Variants in ANO3 observed in about 807,000 individuals in gnomAD.
The protein encoded by ANO3 is anoctamin-3.
ANO3 carries 99 observed loss-of-function variants against 144.8 expected under a neutral mutation model. The observed-to-expected ratio is 0.68, with a 90% CI of 0.58 to 0.81. The LOEUF is 0.81. ANO3 is among the 30% of genes least tolerant of loss of function. The probability of loss-of-function intolerance (pLI) is 0.00; values close to 1 mark genes in which losing one functional copy is unlikely to be tolerated. For synonymous variants in ANO3, 414 were observed against 392.6 expected, an observed-to-expected ratio of 1.05 and a Z score of -0.64; for missense variants, 905 against 1,202.2, an observed-to-expected ratio of 0.75 and a Z score of 3.66.
chr11:26,543,163 G>T (rs1035876035), intron 11 of ANO3, among the ~76,000 whole-genome samples: 6 of 152,040 alleles, frequency 3.9e-5, no homozygotes, highest in Admixed American at 3.9e-4. Flanking sequence ...CCATAAAAAG[G>T]ATGGGTCATC....
chr11:26,285,258 AT>A (rs1853778909), intron 1 of ANO3, among the ~76,000 whole-genome samples: 1 of 152,166 alleles, frequency 6.6e-6, no homozygotes, highest in Non-Finnish European at 1.5e-5. Context: ...ATATAGGAAG[AT>A]AAAGAAACTC....
At chr11:26,614,222 A>T (rs970531823) in intron 17 of ANO3, among the ~76,000 whole-genome samples, 1 of 152,164 alleles carries the variant, frequency 6.6e-6, no homozygotes, top group African/African-American at 2.4e-5. Flanking sequence ...AGGTATAAGC[A>T]CTCACAGGGT....
chr11:26,408,987 A>C (rs10834975), intron 1 of ANO3, among the ~76,000 whole-genome samples: 94,968 of 149,138 alleles, frequency 0.64, 32,836 homozygotes, highest in Admixed American at 0.78. Context: ...GGGTGGGGGG[A>C]GTGGGGAGGG....
intron 1 of ANO3, among the ~76,000 whole-genome samples, chr11:26,383,688 C>T (rs1455527954): frequency 7.9e-5 from 12 of 151,914 alleles, no homozygotes; most frequent in African/African-American, 1.2e-4. Flanking sequence ...GCCTGAACTG[C>T]GAGGGGTAAA....
intron 1 of ANO3, among the ~76,000 whole-genome samples, chr11:26,312,594 AGTG>A (rs1260782251): frequency 6.6e-6 from 1 of 152,222 alleles, no homozygotes; most frequent in Non-Finnish European, 1.5e-5. Flanking sequence ...TCTGATGGTC[AGTG>A]ATGATGAGAA....
At chr11:26,573,252 AAT>A (rs1188760328) in intron 14 of ANO3, among the ~76,000 whole-genome samples, 2 of 152,196 alleles carry the variant, frequency 1.3e-5, no homozygotes, top group East Asian at 3.9e-4. Context: ...AGAACAAGGT[AAT>A]TCTATAGTTT....
chr11:26,536,791 A>G (rs984993424), intron 9 of ANO3, among the ~76,000 whole-genome samples: 1 of 152,154 alleles, frequency 6.6e-6, no homozygotes, highest in Non-Finnish European at 1.5e-5. Flanking sequence ...AGTTTTGGAT[A>G]TGTAATTATT....
chr11:26,350,086 A>AGGAGACAG (rs1855602841), intron 1 of ANO3, among the ~76,000 whole-genome samples: 2 of 151,958 alleles, frequency 1.3e-5, no homozygotes, highest in African/African-American at 4.8e-5. Context: ...CGGAAGGGGG[A>AGGAGACAG]GAAGAAAGAA....
At chr11:26,242,398 C>T (rs1852682009) in intron 1 of ANO3, among the ~76,000 whole-genome samples, 1 of 152,152 alleles carries the variant, frequency 6.6e-6, no homozygotes, top group Non-Finnish European at 1.5e-5. Context: ...ACCACTTAAT[C>T]TCCAAGGCCA....
rs201514760 is a variant in ANO3 at position 26,341,120 on chromosome 11, CTTTCTTTCT to C, written c.46+8810_46+8818del. ...TTCTCTTCCCCTTTCCTTCCTCTCT[CTTTCTTTCT>C]TTTCTTTCTTCTTTCTTTTTGCTAT... On this transcript the variant is annotated intron_variant, in intron 1 of 26. Coordinates refer to ENST00000256737, the MANE Select transcript of ANO3 (RefSeq NM_031418.4). Among the ~76,000 whole-genome samples, 898 of 151,160 alleles carry C rather than the reference CTTTCTTTCT, an allele frequency of 5.9e-3. 6 individuals carry two copies. The highest frequency in any genetic ancestry group is 0.021 in the African/African-American group (847 of 41,224).
chr11:26,586,626 C>G (rs547964666), intron 14 of ANO3, among the ~76,000 whole-genome samples: 6 of 151,038 alleles, frequency 4.0e-5, no homozygotes, highest in Admixed American at 4.0e-4. Context: ...CCTCAGCCTC[C>G]CGAGTAGCTG....
Position 26,261,419 on chromosome 11 carries a change from G to T in ANO3, c.155-48226G>T, listed in dbSNP as rs371171923. On this transcript the variant is annotated intron_variant, in intron 1 of 27. Coordinates refer to the ANO3 transcript ENST00000672621. The stretch of plus-strand genomic sequence containing the variant: ...CCATGACAAGAAACATATCCGGAGA[G>T]GCTAAAAACAATTTTGCCTCATTTA... Among the ~76,000 whole-genome samples, 82 of 152,218 alleles carry T rather than the reference G, an allele frequency of 5.4e-4. 1 individual carries two copies. Among genetic ancestry groups the T allele is most frequent in the African/African-American group, 1.9e-3 (79 of 41,526 alleles).
At chr11:26,579,993 A>C (rs901095558) in intron 14 of ANO3, among the ~76,000 whole-genome samples, 3 of 152,098 alleles carry the variant, frequency 2.0e-5, no homozygotes, top group African/African-American at 7.2e-5. Context: ...GAGAAGAGAT[A>C]TACAATTTTG....
At chr11:26,458,269 T>A (rs910163176) in intron 3 of ANO3, among the ~76,000 whole-genome samples, 3 of 152,140 alleles carry the variant, frequency 2.0e-5, no homozygotes, top group African/African-American at 7.2e-5. Flanking sequence ...GATGGCAGAA[T>A]AATTAGCTTC....
chr11:26,251,674 G>C (rs1477236245), intron 1 of ANO3, among the ~76,000 whole-genome samples: 3 of 152,178 alleles, frequency 2.0e-5, no homozygotes, highest in Non-Finnish European at 4.4e-5. Flanking sequence ...AGGGTTAATT[G>C]ACTCACAGTT....
At chr11:26,547,654 A>G (rs1164515412) in intron 12 of ANO3, 104 bp downstream of exon 12, 2 of 1,091,958 alleles carry the variant, frequency 1.8e-6, no homozygotes, top group Non-Finnish European at 2.6e-6. Context: ...TGATGATACT[A>G]CAATTTAATT....
chr11:26,279,232 A>T (rs992167149), intron 1 of ANO3, among the ~76,000 whole-genome samples: 3 of 152,120 alleles, frequency 2.0e-5, no homozygotes, highest in Non-Finnish European at 4.4e-5. Flanking sequence ...CTGGAAACAG[A>T]GAAATTGAAC....
rs556127336 is a variant in ANO3, at chr11:26,219,632, A to G, written c.154+30302A>G. ...GCACCTAACCAGTTACTCAAAATCCAAGAGGAAGCCTAGAATGATAACCAC... is the reference window on the plus strand; with the variant it reads ...GCACCTAACCAGTTACTCAAAATCCGAGAGGAAGCCTAGAATGATAACCAC... On this transcript the variant is annotated intron_variant, in intron 1 of 27. Coordinates refer to the ANO3 transcript ENST00000672621. Among the ~76,000 whole-genome samples the G allele has an allele frequency of 4.4e-4, 67 of 152,338 alleles. No individual in the cohort carries two copies. The South Asian group carries it at 0.013, about 30-fold the overall frequency.
intron 1 of ANO3, among the ~76,000 whole-genome samples, chr11:26,266,255 A>G (rs1013412878): frequency 7.2e-5 from 11 of 152,034 alleles, no homozygotes; most frequent in Admixed American, 6.6e-4. Flanking sequence ...TCTCTCATTC[A>G]TCACTTCTCC....
Sources: allele counts gnomAD v4.1 joint callset (sites outside exome capture counted in the v4.1 genomes callset), GRCh38; gene constraint gnomAD v4.1.1; transcripts MANE v1.5; gene names NCBI Gene and HGNC (gene_info 2026-07-23, HGNC 2026-07-21).